ZC4H2: variants seen among roughly 807,000 people sequenced by gnomAD.
The protein encoded by ZC4H2 is zinc finger C4H2-type containing.
For missense variants in ZC4H2, 137 were observed against 173.9 expected (o/e 0.79, Z 1.19); for synonymous variants, 84 against 66.3 (o/e 1.27, Z -1.30).
intron 3 of ZC4H2, 118 bp from the exon 4 acceptor site, chrX:64,919,322 CA>C: frequency 2.6e-6 from 2 of 777,938 alleles, no homozygotes; most frequent in East Asian, 3.4e-5. Flanking sequence ...AGAAGGTCCC[CA>C]CACCTTCCCA....
chrX:64,977,024 CAACA>C (rs887378240), upstream of ZC4H2, among the ~76,000 whole-genome samples: 9 of 111,080 alleles, frequency 8.1e-5, no homozygotes, highest in African/African-American at 2.3e-4. Context: ...CTTACCCATT[CAACA>C]AACAATTACT....
intron 1 of ZC4H2, among the ~76,000 whole-genome samples, chrX:64,932,322 T>C (rs1929796290): frequency 9.0e-6 from 1 of 111,610 alleles, no homozygotes; most frequent in Non-Finnish European, 1.9e-5. Flanking sequence ...TCTGCTATTA[T>C]GTATCTTTTA....
At chrX:64,989,858 T>TA (rs1347943464) in intron 1 of ZC4H2, among the ~76,000 whole-genome samples, 1 of 111,529 alleles carries the variant, frequency 9.0e-6, no homozygotes, top group Non-Finnish European at 1.9e-5. Flanking sequence ...AGACTAAAAT[T>TA]AAAAAATGGT....
chrX:65,019,343 G>A (rs754886434), intron 1 of ZC4H2, among the ~76,000 whole-genome samples: 12 of 112,348 alleles, frequency 1.1e-4, no homozygotes, highest in African/African-American at 3.9e-4. Context: ...GAAGGAACAG[G>A]CAGCAATCTT....
chrX:65,018,751 T>G lies in ZC4H2; in HGVS notation c.-272+15878A>C, dbSNP rs190004416. ...AAGTAGTCTGGCTCGGGAGGTCCCATCCCCATGAAGCTGAGCAAGCTAAGA... is the reference window on the plus strand; with the variant it reads ...AAGTAGTCTGGCTCGGGAGGTCCCAGCCCCATGAAGCTGAGCAAGCTAAGA... On this transcript the variant is annotated intron_variant, in intron 1 of 4. Coordinates refer to the ZC4H2 transcript ENST00000337990. Among the ~76,000 whole-genome samples, 87 of 110,593 alleles carry G rather than the reference T, an allele frequency of 7.9e-4. No homozygotes were observed. In the East Asian group the frequency reaches 0.023, roughly 30 times the overall value.
At chrX:64,940,231 C>A (rs1930209170) in intron 1 of ZC4H2, among the ~76,000 whole-genome samples, 1 of 111,692 alleles carries the variant, frequency 9.0e-6, no homozygotes, top group Non-Finnish European at 1.9e-5. Context: ...CTGTTCATAA[C>A]CTTCACCCAC....
chrX:64,965,986 A>C (rs1438536359), intron 1 of ZC4H2, among the ~76,000 whole-genome samples: 9 of 110,005 alleles, frequency 8.2e-5, no homozygotes, highest in Non-Finnish European at 1.7e-4. Context: ...TGTAATTCAA[A>C]AGACACTGTT....
intron 1 of ZC4H2, among the ~76,000 whole-genome samples, chrX:65,029,929 G>A (rs1932917826): frequency 9.1e-6 from 1 of 110,269 alleles, no homozygotes; most frequent in Admixed American, 9.6e-5. Flanking sequence ...TTGCCAAGTA[G>A]TTCGTAGATG....
At chrX:65,022,668 G>A (rs1191600695) in intron 1 of ZC4H2, among the ~76,000 whole-genome samples, 1 of 111,560 alleles carries the variant, frequency 9.0e-6, no homozygotes, top group African/African-American at 3.3e-5. Context: ...CAAACAGAAA[G>A]CCAAATCATG....
intron 1 of ZC4H2, among the ~76,000 whole-genome samples, chrX:65,024,632 A>T (rs1054857671): frequency 2.7e-5 from 3 of 111,978 alleles, no homozygotes; most frequent in Admixed American, 9.5e-5. Flanking sequence ...TACCGAAGAC[A>T]TGGAATCAAT....
At chrX:64,969,625 G>T (rs1301867480) in intron 1 of ZC4H2, among the ~76,000 whole-genome samples, 1 of 111,740 alleles carries the variant, frequency 8.9e-6, no homozygotes, top group African/African-American at 3.3e-5. Context: ...AGCATTGCCT[G>T]GGAACTTGTT....
At chrX:64,996,763 A>T (rs768515518) in intron 1 of ZC4H2, among the ~76,000 whole-genome samples, 53 of 111,410 alleles carry the variant, frequency 4.8e-4, no homozygotes, top group African/African-American at 1.7e-3. Context: ...GCAAACCTGA[A>T]GATAGGACAA....
At chrX:64,950,395 G>C (rs1485837502) in intron 1 of ZC4H2, among the ~76,000 whole-genome samples, 1 of 111,155 alleles carries the variant, frequency 9.0e-6, no homozygotes, top group Non-Finnish European at 1.9e-5. Context: ...TCAATTCCTG[G>C]ATATCCTTTT....
At chrX:64,951,959 T>C (rs1323083093) in intron 1 of ZC4H2, among the ~76,000 whole-genome samples, 1 of 111,594 alleles carries the variant, frequency 9.0e-6, no homozygotes. Context: ...CTTTAATCCA[T>C]CTTGAATTGA....
chrX:64,929,172 C>T (rs959312163), intron 1 of ZC4H2, among the ~76,000 whole-genome samples: 3 of 111,126 alleles, frequency 2.7e-5, no homozygotes, highest in South Asian at 3.8e-4. Flanking sequence ...GGACTACAGG[C>T]GTGAGTCACT....
At chrX:65,011,882 A>AT (rs1476775227) in intron 1 of ZC4H2, among the ~76,000 whole-genome samples, 1 of 108,639 alleles carries the variant, frequency 9.2e-6, no homozygotes, top group East Asian at 3.0e-4. Context: ...CACCCAGCTA[A>AT]TTTTTGTATT....
intron 1 of ZC4H2, among the ~76,000 whole-genome samples, chrX:65,008,157 A>G (rs1364042835): frequency 8.9e-6 from 1 of 112,307 alleles, no homozygotes; most frequent in Non-Finnish European, 1.9e-5. Flanking sequence ...AATAGGCAAA[A>G]TAAGTGAAAA....
chrX:65,032,593 C>A (rs1932945962), intron 1 of ZC4H2, among the ~76,000 whole-genome samples: 1 of 111,883 alleles, frequency 8.9e-6, no homozygotes, highest in South Asian at 3.7e-4. Context: ...GATACTTCTA[C>A]TTAATTAGTT....
In ZC4H2 at chrX:64,971,957, T is replaced by G. The variant is rs141251481; in HGVS notation, c.53+4368A>C. Among the ~76,000 whole-genome samples the G allele has an allele frequency of 2.3e-3, 256 of 111,460 alleles. 2 individuals are homozygous for G. The highest frequency in any genetic ancestry group is 7.8e-3 in the African/African-American group (238 of 30,631). ...ATGGCATGTGCATTTTAAGGAAATA[T>G]TGTTTTGTACTTGGGGAGCTGGTGT... On this transcript the variant is annotated intron_variant, in intron 1 of 4. Transcript: ENST00000374839.
Sources: gnomAD v4.1 joint callset for allele counts (sites outside exome capture counted in the v4.1 genomes callset) on GRCh38, gnomAD v4.1.1 for gene constraint, MANE v1.5 for transcripts, NCBI Gene and HGNC (gene_info 2026-07-23, HGNC 2026-07-21) for gene names.